SLC9A9: variants seen among roughly 807,000 people sequenced by gnomAD.
SLC9A9 encodes the protein sodium/hydrogen exchanger 9.
In SLC9A9, 62 loss-of-function variants were observed where a neutral mutation model predicts 77.8. The ratio of observed to expected loss-of-function variants is 0.80; its 90% CI spans 0.65 to 0.98. The LOEUF (loss-of-function observed/expected upper bound fraction) is 0.98, where lower values mean the gene tolerates loss of function less well. Ranked by LOEUF, SLC9A9 falls within the 50% of genes least tolerant of loss-of-function variation. The pLI, the probability that SLC9A9 is intolerant of heterozygous loss-of-function variation, is 0.00. For missense variants in SLC9A9, 775 were observed against 774.9 expected (o/e 1.00, Z 0.00); for synonymous variants, 320 against 283.5 (o/e 1.13, Z -1.29).
chr3:143,734,462 G>A (rs971402716), intron 4 of SLC9A9, among the ~76,000 whole-genome samples: 5 of 152,134 alleles, frequency 3.3e-5, no homozygotes, highest in African/African-American at 1.2e-4. Context: ...TTGGCTGGGT[G>A]CAGTGGCTCA....
chr3:143,526,941 T>G (rs1390644180), intron 9 of SLC9A9, among the ~76,000 whole-genome samples: 2 of 152,208 alleles, frequency 1.3e-5, no homozygotes, highest in Non-Finnish European at 2.9e-5. Flanking sequence ...AACTGTGGAC[T>G]ATATATAGAT....
At chr3:143,663,882 T>C (rs1006786132) in intron 5 of SLC9A9, among the ~76,000 whole-genome samples, 5 of 151,930 alleles carry the variant, frequency 3.3e-5, no homozygotes, top group African/African-American at 1.2e-4. Context: ...ATGGGGAGAA[T>C]GGAACCAACT....
At chr3:143,797,549 G>T (rs2008421343) in intron 2 of SLC9A9, among the ~76,000 whole-genome samples, 1 of 151,874 alleles carries the variant, frequency 6.6e-6, no homozygotes, top group South Asian at 2.1e-4. Flanking sequence ...AAAATGGCCG[G>T]TTCCTGCCTT....
rs537405490 is a variant in SLC9A9, at chr3:143,619,246, G to A, written c.755+33009C>T. Among the ~76,000 whole-genome samples the A allele has an allele frequency of 1.4e-4, 22 of 152,280 alleles. No individual in the cohort carries two copies. The Middle Eastern group carries it at 0.024, about 165-fold the overall frequency. On this transcript the variant is annotated intron_variant, in intron 6 of 15. Transcript: ENST00000316549. Reference sequence around the variant, plus strand: ...CTATAAAGATTATACAGTTTCTCAAGCAAAATCCCAGACAGTGTTCAGTTT... The same window carrying A: ...CTATAAAGATTATACAGTTTCTCAAACAAAATCCCAGACAGTGTTCAGTTT...
chr3:143,618,070 C>T (rs2038136674), intron 6 of SLC9A9, among the ~76,000 whole-genome samples: 1 of 152,016 alleles, frequency 6.6e-6, no homozygotes, highest in Non-Finnish European at 1.5e-5. Flanking sequence ...AAAATGGATC[C>T]TAGGAATATT....
intron 13 of SLC9A9, among the ~76,000 whole-genome samples, chr3:143,370,292 A>G (rs1210589514): frequency 6.6e-6 from 1 of 152,204 alleles, no homozygotes; most frequent in East Asian, 1.9e-4. Flanking sequence ...CAGTTTATGA[A>G]CTGTTTTCAT....
At chr3:143,724,735 C>A (rs13067028) in intron 4 of SLC9A9, among the ~76,000 whole-genome samples, 6,511 of 152,206 alleles carry the variant, frequency 0.043, 248 homozygotes, top group African/African-American at 0.094. Context: ...GTGTTAAACA[C>A]GAAAACAATT....
intron 6 of SLC9A9, among the ~76,000 whole-genome samples, chr3:143,650,422 G>C (rs1212180256): frequency 6.6e-6 from 1 of 152,140 alleles, no homozygotes; most frequent in Non-Finnish European, 1.5e-5. Context: ...ATAAGCAAGT[G>C]AGAATAAGTG....
At chr3:143,544,055 G>C (rs199661301) in intron 9 of SLC9A9, among the ~76,000 whole-genome samples, 3 of 151,542 alleles carry the variant, frequency 2.0e-5, no homozygotes, top group East Asian at 3.9e-4. Context: ...TTTTTTAAAA[G>C]AGCCATTCTG....
intron 6 of SLC9A9, chr3:143,626,814 T>G (rs1400157754): frequency 6.6e-6 from 1 of 151,502 alleles, no homozygotes; most frequent in Admixed American, 6.6e-5. Flanking sequence ...AAACTTACTA[T>G]CCCATGACAG....
At position 143,804,889 on chromosome 3, in the gene SLC9A9, C is replaced by T. The variant is rs185201018; in HGVS notation, c.379-7986G>A. Among the ~76,000 whole-genome samples the T allele has an allele frequency of 3.3e-5, 5 of 152,330 alleles. No individual in the cohort carries two copies. In the East Asian group the frequency reaches 9.6e-4, roughly 29 times the overall value. On this transcript the variant is annotated intron_variant, in intron 2 of 15. Coordinates refer to ENST00000316549, the MANE Select transcript of SLC9A9 (RefSeq NM_173653.4). ...AGACATATCACAAACTTTATCAGTCCTCCAGGCCCAAGTTGACTGTTTAGC... is the reference window on the plus strand; with the variant it reads ...AGACATATCACAAACTTTATCAGTCTTCCAGGCCCAAGTTGACTGTTTAGC...
At chr3:143,631,874 T>C (rs921534894) in intron 6 of SLC9A9, among the ~76,000 whole-genome samples, 12 of 152,174 alleles carry the variant, frequency 7.9e-5, no homozygotes, top group African/African-American at 2.9e-4. Context: ...TGCTAGTCAA[T>C]ACTGGGCAGG....
At chr3:143,700,661 A>C (rs1387582784) in intron 4 of SLC9A9, among the ~76,000 whole-genome samples, 1 of 152,206 alleles carries the variant, frequency 6.6e-6, no homozygotes, top group Non-Finnish European at 1.5e-5. Flanking sequence ...ACAGAACATC[A>C]GGTAGACTTG....
intron 14 of SLC9A9, among the ~76,000 whole-genome samples, chr3:143,321,968 G>T (rs896664676): frequency 1.3e-5 from 2 of 152,138 alleles, no homozygotes; most frequent in Non-Finnish European, 2.9e-5. Flanking sequence ...TACCCTAACT[G>T]GATCATCTTT....
rs542116111 is a variant in SLC9A9, at chr3:143,640,290, G to C, written c.755+11965C>G. Reference sequence around the variant, plus strand: ...CCCGCCTTGGCTTCCCAAAGTGCTGGGATTACAGGCGTGAGCCACCGTGCG... The same window carrying C: ...CCCGCCTTGGCTTCCCAAAGTGCTGCGATTACAGGCGTGAGCCACCGTGCG... On this transcript the variant is annotated intron_variant, in intron 6 of 15. Transcript: ENST00000316549. Among the ~76,000 whole-genome samples, 5 of 151,946 alleles carry C rather than the reference G, an allele frequency of 3.3e-5. No homozygotes were observed. The South Asian group carries it at 1.0e-3, about 32-fold the overall frequency.
intron 9 of SLC9A9, among the ~76,000 whole-genome samples, chr3:143,495,803 C>G (rs1266774505): frequency 6.6e-6 from 1 of 152,182 alleles, no homozygotes; most frequent in Admixed American, 6.5e-5. Flanking sequence ...TAGTAAATGA[C>G]ACAAAGATTG....
At position 143,632,636 on chromosome 3, in the gene SLC9A9, T is replaced by C. The variant is rs558556909; in HGVS notation, c.755+19619A>G. On this transcript the variant is annotated intron_variant, in intron 6 of 15. Transcript: ENST00000316549. Reference sequence around the variant, plus strand: ...TGAGACAAGTTTATGTACATATAAATTGAATACCTCTTGAATAGTATTACA... The same window carrying C: ...TGAGACAAGTTTATGTACATATAAACTGAATACCTCTTGAATAGTATTACA... Among the ~76,000 whole-genome samples the C allele has an allele frequency of 3.9e-5, 6 of 152,334 alleles. No individual in the cohort carries two copies. The South Asian group carries it at 8.3e-4, about 21-fold the overall frequency.
At chr3:143,412,201 G>C (rs531642695) in intron 12 of SLC9A9, among the ~76,000 whole-genome samples, 3 of 152,094 alleles carry the variant, frequency 2.0e-5, no homozygotes, top group Non-Finnish European at 4.4e-5. Flanking sequence ...GCCAGGTGTT[G>C]CAAGATGCAA....
chr3:143,307,258 T>C (rs539764096), intron 14 of SLC9A9, among the ~76,000 whole-genome samples: 2 of 152,350 alleles, frequency 1.3e-5, no homozygotes, highest in African/African-American at 2.4e-5. Flanking sequence ...GTTCTTACTT[T>C]TTCTCCAAAT....
Sources: gnomAD v4.1 joint callset for allele counts (sites outside exome capture counted in the v4.1 genomes callset) on GRCh38, gnomAD v4.1.1 for gene constraint, MANE v1.5 for transcripts, NCBI Gene and HGNC (gene_info 2026-07-23, HGNC 2026-07-21) for gene names.